The following TRIP11 variants were observed in gnomAD, a reference collection of about 807,000 sequenced individuals.
TRIP11 encodes the protein thyroid hormone receptor interactor 11.
Under a neutral mutation model 223.1 loss-of-function variants are expected in TRIP11, and 148 were observed. The ratio of observed to expected loss-of-function variants is 0.66; its 90% CI spans 0.58 to 0.76. TRIP11 has a LOEUF of 0.76. Ranked by LOEUF, TRIP11 falls within the 30% of genes least tolerant of loss-of-function variation. The pLI, the probability that TRIP11 is intolerant of heterozygous loss-of-function variation, is 0.00. For missense variants in TRIP11, 2,043 were observed against 2,222.0 expected (o/e 0.92, Z 1.62); for synonymous variants, 762 against 772.6 (o/e 0.99, Z 0.23).
chr14:91,976,284 C>T (rs2056463940), intron 16 of TRIP11, 95 bp from the exon 17 acceptor site: 1 of 989,260 alleles, frequency 1.0e-6, no homozygotes, highest in Non-Finnish European at 1.6e-6. Flanking sequence ...ATTATAACCT[C>T]TGAATATATA....
At chr14:91,987,478 T>C (rs752792605) in intron 16 of TRIP11, among the ~76,000 whole-genome samples, 3 of 152,180 alleles carry the variant, frequency 2.0e-5, no homozygotes, top group Non-Finnish European at 4.4e-5. Context: ...CTTCTATTTT[T>C]GCTTATTTCT....
chr14:92,010,962 T>C, intron 9 of TRIP11, 24 bp downstream of exon 9: 1 of 1,608,166 alleles, frequency 6.2e-7, no homozygotes, highest in South Asian at 1.1e-5. Context: ...ATTTTAATTC[T>C]GCCCCCATTT....
chr14:92,008,178 C>T (rs1464051658), intron 9 of TRIP11, among the ~76,000 whole-genome samples: 2 of 152,130 alleles, frequency 1.3e-5, no homozygotes, highest in East Asian at 3.9e-4. Flanking sequence ...CGTGGCTACC[C>T]TTTATCCATC....
intron 15 of TRIP11, among the ~76,000 whole-genome samples, chr14:91,992,721 A>T (rs544378683): frequency 4.6e-5 from 7 of 152,032 alleles, no homozygotes; most frequent in African/African-American, 1.7e-4. Flanking sequence ...TATCCTGGCT[A>T]ACATGGTGAA....
At position 92,005,753 on chromosome 14, in the gene TRIP11, T is replaced by G. The variant is rs1292752401; in HGVS notation, c.2223A>C (p.Lys741Asn). 6.2e-7 allele frequency: 1 copy of G among 1,614,110 alleles called. No individual in the cohort carries two copies. Reference sequence around the variant, plus strand: ...GTGCATTTGACAGTTCTTCAATGGTTTTCTCATACTTGTTTGCTTCTTCCA... The same window carrying G: ...GTGCATTTGACAGTTCTTCAATGGTGTTCTCATACTTGTTTGCTTCTTCCA... ...RLLEEANKYE[K>N]TIEELSNARN... The change falls in exon 11 of 21, where the codon AAA becomes AAC. Residue 741 changes from lysine (K) to asparagine (N), a missense_variant. Lys to Asn is a moderately conservative substitution (Grantham distance 94). Coordinates refer to ENST00000267622, the MANE Select transcript of TRIP11 (RefSeq NM_004239.4).
At chr14:91,987,825 T>C (rs2056621339) in intron 16 of TRIP11, among the ~76,000 whole-genome samples, 1 of 152,188 alleles carries the variant, frequency 6.6e-6, no homozygotes, top group Non-Finnish European at 1.5e-5. Flanking sequence ...AAAAAATACA[T>C]GATGCACCTG....
At position 92,016,618 on chromosome 14, in the gene TRIP11, C is replaced by T. The variant is rs2057038396; in HGVS notation, c.658-757G>A. On this transcript the variant is annotated intron_variant, in intron 5 of 20. Coordinates refer to ENST00000267622, the MANE Select transcript of TRIP11 (RefSeq NM_004239.4). ...ATCCTAATCTACAGAAAAATTGATG[C>T]TCTTATGGAAAAAAGAAAAAAAAAG... Among the ~76,000 whole-genome samples the T allele has an allele frequency of 5.3e-5, 8 of 151,904 alleles. No homozygotes were observed. In the South Asian group the frequency reaches 1.2e-3, roughly 24 times the overall value.
chr14:92,012,021 G>C (rs1361668518), intron 7 of TRIP11, among the ~76,000 whole-genome samples: 3 of 152,130 alleles, frequency 2.0e-5, no homozygotes. Context: ...CTATGGATAA[G>C]CATAAGAAAA....
chr14:91,995,587 C>A, intron 13 of TRIP11, 72 bp from the exon 14 acceptor site: 1 of 1,478,908 alleles, frequency 6.8e-7, no homozygotes, highest in Non-Finnish European at 9.4e-7. Flanking sequence ...AGCCACCTTC[C>A]CTACATCTTA....
chr14:91,986,914 T>C (rs2140096034), intron 16 of TRIP11, among the ~76,000 whole-genome samples: 1 of 152,280 alleles, frequency 6.6e-6, no homozygotes, highest in South Asian at 2.1e-4. Context: ...ACTGGAGATA[T>C]ACAGAACAAA....
At position 92,003,584 on chromosome 14, in the gene TRIP11, T is replaced by A; in HGVS notation, c.4392A>T (p.Glu1464Asp). The A allele has an allele frequency of 2.5e-6, 4 of 1,614,212 alleles. No individual in the cohort carries two copies. Among genetic ancestry groups the A allele is most frequent in the Non-Finnish European group, 3.4e-6 (4 of 1,180,028 alleles). Residue 1464 changes from glutamate (E) to aspartate (D), a missense_variant, in exon 11 of 21, where the codon GAA (glutamate) becomes GAT (aspartate). Coordinates refer to ENST00000267622, the MANE Select transcript of TRIP11 (RefSeq NM_004239.4). The stretch of plus-strand genomic sequence containing the variant: ...TGTATGTTTCCACTATTTTTTCATT[T>A]TCTCCTTTTAGTTTGCCAATGTCCA... ...LEMDIGKLKG[E>D]NEKIVETYRG...
chr14:92,023,088 T>C (rs1483082595), intron 3 of TRIP11, among the ~76,000 whole-genome samples: 1 of 152,240 alleles, frequency 6.6e-6, no homozygotes, highest in African/African-American at 2.4e-5. Flanking sequence ...CTTGTAGTTA[T>C]ACAAGTGCAA....
At position 92,005,974 on chromosome 14, in the gene TRIP11, A is replaced by T. The variant is rs1469782019; in HGVS notation, c.2002T>A (p.Leu668Ile). The part of the protein sequence containing the change: ...LSELEQLNEN[L>I]KKVAFDVKME... ...TTGACATCAAAAGCAACTTTCTTTA[A>T]ATTTTCATTGAGCTGTTCTAATTCT... Residue 668 changes from leucine to isoleucine, a missense_variant, in exon 11 of 21, where the codon TTA becomes ATA. Leu to Ile is a conservative substitution (Grantham distance 5). Coordinates refer to ENST00000267622, the MANE Select transcript of TRIP11 (RefSeq NM_004239.4). The T allele has an allele frequency of 1.2e-6, 2 of 1,612,210 alleles. No homozygotes were observed. The highest frequency in any genetic ancestry group is 1.7e-6 in the Non-Finnish European group (2 of 1,179,614).
chr14:91,976,757 C>T (rs1056156530), intron 16 of TRIP11, among the ~76,000 whole-genome samples: 2 of 151,962 alleles, frequency 1.3e-5, no homozygotes, highest in Non-Finnish European at 2.9e-5. Flanking sequence ...GATACTATAG[C>T]TTATGACTGA....
chr14:91,967,135 C>CTTTTTTTTTTTTTTTTTTTT lies in TRIP11; in HGVS notation c.*2518_*2537dup, dbSNP rs547805058. 47 of 85,562 alleles carry CTTTTTTTTTTTTTTTTTTTT rather than the reference C, an allele frequency of 5.5e-4. 4 individuals carry two copies. Among genetic ancestry groups the CTTTTTTTTTTTTTTTTTTTT allele is most frequent in the African/African-American group, 1.4e-3 (23 of 16,432 alleles). 5.3% of individuals were successfully genotyped at this position (85,562 alleles called of 1,614,324 possible). A position where few individuals can be genotyped will look rare whatever the true frequency, so the allele number is the denominator to read the frequency against. On this transcript the variant is annotated 3_prime_UTR_variant, in exon 21 of 21. Transcript: ENST00000267622. ...ACAATGAAAACATTAGGTACTATAG[C>CTTTTTTTTTTTTTTTTTTTT]TTTTTTTTTTTTTTTTTTTTTTTTG...
At chr14:91,995,620 T>TATTTC in intron 13 of TRIP11, 105 bp from the exon 14 acceptor site, 2 of 82,724 alleles carry the variant, frequency 2.4e-5, no homozygotes, top group Non-Finnish European at 1.8e-5. Context: ...ATTTTATTTC[T>TATTTC]TTTTTTTTTT....
intron 1 of TRIP11, among the ~76,000 whole-genome samples, chr14:92,035,106 A>C (rs778727713): frequency 1.4e-4 from 21 of 151,576 alleles, no homozygotes; most frequent in Non-Finnish European, 2.8e-4. Context: ...GGAGTTCAAG[A>C]CAACCCTGGC....
At chr14:92,038,630 A>T (rs1483520355) in intron 1 of TRIP11, among the ~76,000 whole-genome samples, 1 of 86,068 alleles carries the variant, frequency 1.2e-5, no homozygotes, top group Non-Finnish European at 2.6e-5. Context: ...ATTAGCAATT[A>T]AAAAAAAAAA....
chr14:92,007,973 T>C, intron 9 of TRIP11, 121 bp from the exon 10 acceptor site: 2 of 714,884 alleles, frequency 2.8e-6, no homozygotes, highest in South Asian at 3.5e-5. Flanking sequence ...GAAATAATAT[T>C]GAACAATACC....
Sources: gnomAD v4.1 joint callset for allele counts (sites outside exome capture counted in the v4.1 genomes callset) on GRCh38, gnomAD v4.1.1 for gene constraint, MANE v1.5 for transcripts, NCBI Gene and HGNC (gene_info 2026-07-23, HGNC 2026-07-21) for gene names.